Variants in R3HCC1L observed in about 807,000 individuals in gnomAD.
R3HCC1L encodes R3H domain and coiled-coil containing 1 like, also known as coiled-coil domain-containing protein R3HCC1L.
R3HCC1L carries 51 observed loss-of-function variants against 59.9 expected under a neutral mutation model. That is an observed-to-expected ratio of 0.85 (90% CI 0.68 to 1.07). The LOEUF is 1.07. Among genes scored for constraint, R3HCC1L ranks in the 50% least tolerant of loss-of-function variants. R3HCC1L has a pLI of 0.00. For missense variants in R3HCC1L, 965 were observed against 933.0 expected, an observed-to-expected ratio of 1.03 and a Z score of -0.45; for synonymous variants, 322 against 315.2, an observed-to-expected ratio of 1.02 and a Z score of -0.23.
At chr10:98,203,678 C>T (rs1422595200) in intron 4 of R3HCC1L, among the ~76,000 whole-genome samples, 1 of 152,064 alleles carries the variant, frequency 6.6e-6, no homozygotes, top group Admixed American at 6.5e-5. Flanking sequence ...GGACAAAAAG[C>T]GTTGATGTTC....
chr10:98,173,559 T>A (rs895332876), intron 4 of R3HCC1L, among the ~76,000 whole-genome samples: 3 of 152,180 alleles, frequency 2.0e-5, no homozygotes, highest in African/African-American at 7.2e-5. Context: ...CTGATGTTCC[T>A]GATTAATGGG....
intron 5 of R3HCC1L, among the ~76,000 whole-genome samples, chr10:98,217,484 C>T (rs1024995576): frequency 6.6e-6 from 1 of 152,046 alleles, no homozygotes; most frequent in African/African-American, 2.4e-5. Flanking sequence ...CTCAGTATTG[C>T]TTTGACTATT....
chr10:98,145,689 C>T (rs369805686), intron 1 of R3HCC1L, among the ~76,000 whole-genome samples: 7 of 152,160 alleles, frequency 4.6e-5, no homozygotes, highest in East Asian at 1.9e-4. Context: ...CGGTGGCCCA[C>T]GCCTGTAATC....
intron 2 of R3HCC1L, among the ~76,000 whole-genome samples, chr10:98,159,850 C>T (rs1269705932): frequency 6.6e-6 from 1 of 152,124 alleles, no homozygotes; most frequent in African/African-American, 2.4e-5. Flanking sequence ...CTTTAAAAGC[C>T]ACAGTCTGGA....
At chr10:98,168,176 T>C (rs17444519) in intron 4 of R3HCC1L, among the ~76,000 whole-genome samples, 27,845 of 152,102 alleles carry the variant, frequency 0.18, 2,696 homozygotes, top group Non-Finnish European at 0.2. Context: ...ATATGCAGAG[T>C]AGGAAGCAAA....
At chr10:98,136,978 A>C (rs982194718) in intron 1 of R3HCC1L, among the ~76,000 whole-genome samples, 9 of 152,210 alleles carry the variant, frequency 5.9e-5, no homozygotes, top group Non-Finnish European at 1.0e-4. Flanking sequence ...TGGGAGGCCG[A>C]CGTGGGCAGA....
intron 5 of R3HCC1L, among the ~76,000 whole-genome samples, chr10:98,223,315 G>C (rs1252956546): frequency 6.6e-6 from 1 of 152,144 alleles, no homozygotes; most frequent in South Asian, 2.1e-4. Flanking sequence ...AACGAATGCA[G>C]CAGCACATCA....
chr10:98,195,594 CA>C (rs574565567), intron 4 of R3HCC1L, among the ~76,000 whole-genome samples: 1,222 of 92,216 alleles, frequency 0.013, 17 homozygotes, highest in East Asian at 0.051. Context: ...AAAATACACA[CA>C]AAAAAAAACT....
At chr10:98,238,366 AGATAATCT>A (rs1361370677) in intron 9 of R3HCC1L, among the ~76,000 whole-genome samples, 3 of 152,324 alleles carry the variant, frequency 2.0e-5, no homozygotes, top group African/African-American at 7.2e-5. Flanking sequence ...AGTCTAGTGA[AGATAATCT>A]GCCTTGAGTA....
intron 4 of R3HCC1L, 55 bp from the exon 5 acceptor site, chr10:98,208,046 T>C: frequency 6.9e-7 from 1 of 1,452,588 alleles, no homozygotes; most frequent in Non-Finnish European, 9.2e-7. Context: ...AGAAAATATT[T>C]TGGTTCAATA....
At chr10:98,229,774 A>G (rs1043753302) in intron 5 of R3HCC1L, among the ~76,000 whole-genome samples, 6 of 152,184 alleles carry the variant, frequency 3.9e-5, no homozygotes, top group Non-Finnish European at 5.9e-5. Flanking sequence ...TAATTTATTG[A>G]GAGTTTTTAG....
chr10:98,173,348 C>G (rs1389181334), intron 4 of R3HCC1L, among the ~76,000 whole-genome samples: 1 of 152,158 alleles, frequency 6.6e-6, no homozygotes, highest in Non-Finnish European at 1.5e-5. Flanking sequence ...GCTTCCTTGA[C>G]TGCTTTCTCT....
intron 1 of R3HCC1L, among the ~76,000 whole-genome samples, chr10:98,152,146 G>A (rs1011233687): frequency 5.3e-5 from 8 of 152,224 alleles, no homozygotes; most frequent in African/African-American, 1.9e-4. Context: ...GTGGAGACGG[G>A]GTTTCGCTGT....
chr10:98,242,642 A>G (rs8181398), intron 9 of R3HCC1L, among the ~76,000 whole-genome samples: 146,054 of 152,310 alleles, frequency 0.96, 70,311 homozygotes, highest in East Asian at 1. Context: ...ACTGCTCTCG[A>G]ATCTCTTCTC....
intron 9 of R3HCC1L, among the ~76,000 whole-genome samples, chr10:98,241,713 T>G (rs1384373054): frequency 6.6e-6 from 1 of 152,126 alleles, no homozygotes; most frequent in Non-Finnish European, 1.5e-5. Context: ...TTTTCATATT[T>G]TTTTCCCTTG....
Position 98,208,720 on chromosome 10 carries a change from T to C in R3HCC1L, c.606T>C (p.Asp202=). ...EPDGEAFEDK[D]LEGRIETDTK... is the part of the protein sequence containing the mutation. ...ATGGGGAAGCATTTGAAGACAAAGA[T>C]TTGGAAGGCAGAATTGAAACTGATA... Residue 202 remains aspartate (D), a synonymous_variant, in exon 5 of 10, where the codon GAT becomes GAC. Coordinates refer to ENST00000298999, the MANE Select transcript of R3HCC1L (RefSeq NM_001351015.2). 1.2e-6 allele frequency: 2 copies of C among 1,614,086 alleles called. No homozygotes were observed. Among genetic ancestry groups the C allele is most frequent in the Admixed American group, 1.7e-5 (1 of 60,002 alleles).
At chr10:98,215,583 C>T (rs562925739) in intron 5 of R3HCC1L, among the ~76,000 whole-genome samples, 5 of 152,262 alleles carry the variant, frequency 3.3e-5, no homozygotes, top group South Asian at 2.1e-4. Flanking sequence ...ACTTTGATGA[C>T]GCAGCATTTC....
At chr10:98,201,705 T>C (rs1852063294) in intron 4 of R3HCC1L, among the ~76,000 whole-genome samples, 1 of 152,322 alleles carries the variant, frequency 6.6e-6, no homozygotes, top group South Asian at 2.1e-4. Flanking sequence ...ACACATGTTA[T>C]GCTATGTCTG....
rs764667669 is a variant in R3HCC1L, at chr10:98,208,393, A to C, written c.279A>C (p.Arg93Ser). The change falls in exon 5 of 10, where the codon AGA becomes AGC. Residue 93 changes from arginine (R) to serine (S), a missense_variant. Transcript: ENST00000298999. The stretch of plus-strand genomic sequence containing the variant: ...AAAAGAAATCTTCAACAAAATTAAG[A>C]ATGGACACATGCCTTCAAAAAACAA... ...REEKKSSTKL[R>S]MDTCLQKTNR... 6.2e-7 allele frequency: 1 copy of C among 1,614,012 alleles called. No individual in the cohort carries two copies. Among genetic ancestry groups the C allele is most frequent in the Non-Finnish European group, 8.5e-7 (1 of 1,179,994 alleles).
Sources: allele counts gnomAD v4.1 joint callset (sites outside exome capture counted in the v4.1 genomes callset), GRCh38; gene constraint gnomAD v4.1.1; transcripts MANE v1.5; gene names NCBI Gene and HGNC (gene_info 2026-07-23, HGNC 2026-07-21).